The following RNF34 variants were observed in gnomAD, a reference collection of about 807,000 sequenced individuals.
RNF34 encodes E3 ubiquitin-protein ligase RNF34.
RNF34 carries 12 observed loss-of-function variants against 37.9 expected under a neutral mutation model. The ratio of observed to expected loss-of-function variants is 0.32; its 90% CI spans 0.20 to 0.51. The LOEUF is 0.51. RNF34 is among the 20% of genes least tolerant of loss of function. RNF34 has a pLI of 0.97. For missense variants in RNF34, 362 were observed against 472.7 expected, an observed-to-expected ratio of 0.77 and a Z score of 2.17; for synonymous variants, 155 against 177.2, an observed-to-expected ratio of 0.87 and a Z score of 1.00.
intron 1 of RNF34, 66 bp downstream of exon 1, chr12:121,400,284 G>A (rs1555279837): frequency 7.7e-6 from 12 of 1,566,570 alleles, no homozygotes; most frequent in African/African-American, 1.4e-5. Context: ...CACCTGAAGC[G>A]CCTCCTTTCT....
chr12:121,412,242 T>C (rs1387515468), intron 1 of RNF34, among the ~76,000 whole-genome samples: 3 of 128,508 alleles, frequency 2.3e-5, no homozygotes, highest in African/African-American at 6.3e-5. Flanking sequence ...TTTTTTTTTT[T>C]TTTTTTTTTT....
chr12:121,410,095 G>T (rs111780423), intron 1 of RNF34, among the ~76,000 whole-genome samples: 1 of 151,836 alleles, frequency 6.6e-6, no homozygotes, highest in African/African-American at 2.4e-5. Flanking sequence ...TAGAGGTTGC[G>T]GTGAGCCAAG....
chr12:121,419,468 A>AT (rs1212986228), intron 3 of RNF34, among the ~76,000 whole-genome samples: 4 of 152,316 alleles, frequency 2.6e-5, no homozygotes, highest in African/African-American at 9.6e-5. Flanking sequence ...GAATTGGCAT[A>AT]TTTATGCTGC....
In RNF34 at chr12:121,400,160, G is replaced by T; in HGVS notation, c.-53G>T. The T allele has an allele frequency of 6.3e-7, 1 of 1,599,102 alleles. No homozygotes were observed. Among genetic ancestry groups the T allele is most frequent in the Non-Finnish European group, 8.5e-7 (1 of 1,175,618 alleles). ...AAGGAGGTCGGCAGTGTGAGGAGCT[G>T]CTATGGTGCTGAGTTTCCTGGTAGA... On this transcript the variant is annotated 5_prime_UTR_variant, in exon 1 of 6. Coordinates refer to ENST00000361234, the MANE Select transcript of RNF34 (RefSeq NM_025126.4).
At chr12:121,403,483 A>G (rs1366374762) in intron 1 of RNF34, among the ~76,000 whole-genome samples, 2 of 151,966 alleles carry the variant, frequency 1.3e-5, no homozygotes, top group Non-Finnish European at 2.9e-5. Flanking sequence ...TTAGTTATGT[A>G]GGAAAGTTTA....
Position 121,400,126 on chromosome 12 carries a change from C to A in RNF34, c.-87C>A. Reference sequence around the variant, plus strand: ...GCCTCCCGGGGCGCGGTAATCACCGCCCAGAGGGAAGGAGGTCGGCAGTGT... The same window carrying A: ...GCCTCCCGGGGCGCGGTAATCACCGACCAGAGGGAAGGAGGTCGGCAGTGT... On this transcript the variant is annotated 5_prime_UTR_variant, in exon 1 of 6. Coordinates refer to ENST00000361234, the MANE Select transcript of RNF34 (RefSeq NM_025126.4). 1 of 1,502,694 alleles carries A rather than the reference C, an allele frequency of 6.7e-7. No homozygotes were observed. Among genetic ancestry groups the A allele is most frequent in the South Asian group, 1.2e-5 (1 of 83,414 alleles). 93.1% of individuals were successfully genotyped at this position (1,502,694 alleles called of 1,614,324 possible). A position where few individuals can be genotyped will look rare whatever the true frequency, so the allele number is the denominator to read the frequency against.
At chr12:121,420,444 T>C (rs895812360) in intron 4 of RNF34, 110 bp downstream of exon 4, 1 of 1,553,072 alleles carries the variant, frequency 6.4e-7, no homozygotes, top group Non-Finnish European at 8.7e-7. Context: ...CTGGTTTGAA[T>C]GTAGGACAGT....
chr12:121,412,096 C>T (rs985786648), intron 1 of RNF34, among the ~76,000 whole-genome samples: 3 of 151,996 alleles, frequency 2.0e-5, no homozygotes, highest in Admixed American at 2.0e-4. Context: ...GAGTCTCGCT[C>T]TGTCACCCAG....
In RNF34 at chr12:121,417,771, A is replaced by G. The variant is rs1440746844; in HGVS notation, c.493A>G (p.Asn165Asp). ...SEDDMDTSSL[N>D]SSRSQTSSFF... ...GGACGACATGGACACAAGCAGTCTG[A>G]ATTCTTCAAGGTCCCAGACTTCTAG... is the stretch of plus-strand genomic sequence containing the variant. The change falls in exon 3 of 6, where the codon AAT (asparagine) becomes GAT (aspartate). Residue 165 changes from asparagine to aspartate, a missense_variant. By Grantham distance (23) the Asn-to-Asp change is conservative (BLOSUM62 1). Transcript: ENST00000361234. The surrounding 1 kb of genome is among the most constrained non-coding windows in gnomAD (Gnocchi z 5.0). The G allele has an allele frequency of 6.2e-7, 1 of 1,614,072 alleles. No individual in the cohort carries two copies. The highest frequency in any genetic ancestry group is 1.7e-5 in the Admixed American group (1 of 60,000).
chr12:121,421,386 A>AC lies in RNF34; in HGVS notation c.928+608_928+609insC, dbSNP rs1555283368. ...ATCCCATCTCTAAAAAAAAAAAAAA[A>AC]AAAAAAAAAAAACCAAAAAAACCTG... On this transcript the variant is annotated intron_variant, in intron 5 of 5. Coordinates refer to ENST00000361234, the MANE Select transcript of RNF34 (RefSeq NM_025126.4). Among the ~76,000 whole-genome samples, 1,023 of 136,562 alleles carry AC rather than the reference A, an allele frequency of 7.5e-3. 15 individuals are homozygous for AC. The highest frequency in any genetic ancestry group is 0.017 in the South Asian group (55 of 3,188). The allele number at this position is 136,562 out of a possible 152,430, so 89.6% of individuals were successfully genotyped here. A position where few individuals can be genotyped will look rare whatever the true frequency, so the allele number is the denominator to read the frequency against.
chr12:121,422,322 G>C (rs1555283528), intron 5 of RNF34, among the ~76,000 whole-genome samples: 1 of 152,156 alleles, frequency 6.6e-6, no homozygotes, highest in Non-Finnish European at 1.5e-5. Flanking sequence ...TCACTACCAA[G>C]ATTGTTCCCA....
chr12:121,413,218 C>T (rs960086978), intron 1 of RNF34, among the ~76,000 whole-genome samples: 6 of 150,868 alleles, frequency 4.0e-5, no homozygotes, highest in African/African-American at 1.5e-4. Context: ...GTAGAGACGG[C>T]GTTTCGCCAT....
Position 121,400,313 on chromosome 12 carries a change from C to T in RNF34, c.6+95C>T, listed in dbSNP as rs545229348. Reference sequence around the variant, plus strand: ...CCTTTCTTTCCGCCTTAGCGGTTACCTAGTCGTCATCTCGGAGAGCTGCGC... The same window carrying T: ...CCTTTCTTTCCGCCTTAGCGGTTACTTAGTCGTCATCTCGGAGAGCTGCGC... On this transcript the variant is annotated intron_variant, in intron 1 of 5. Coordinates refer to ENST00000361234, the MANE Select transcript of RNF34 (RefSeq NM_025126.4). The T allele has an allele frequency of 1.8e-5, 26 of 1,433,176 alleles. No homozygotes were observed. The African/African-American group carries it at 2.1e-4, about 12-fold the overall frequency. 88.8% of individuals were successfully genotyped at this position (1,433,176 alleles called of 1,614,324 possible).
Position 121,417,985 on chromosome 12 carries a change from G to A in RNF34, c.633+74G>A. The A allele has an allele frequency of 1.4e-6, 2 of 1,437,398 alleles. No homozygotes were observed. Among genetic ancestry groups the A allele is most frequent in the Admixed American group, 4.2e-5 (2 of 47,272 alleles). The allele number at this position is 1,437,398 out of a possible 1,614,324, so 89.0% of individuals were successfully genotyped here. Reference sequence around the variant, plus strand: ...GGCCGTATATGGTGGGGCCTTTAGTGCTTGATGACTTCTGATAAACTTCAA... The same window carrying A: ...GGCCGTATATGGTGGGGCCTTTAGTACTTGATGACTTCTGATAAACTTCAA... On this transcript the variant is annotated intron_variant, in intron 3 of 5. Transcript: ENST00000361234. This position sits in a 1 kb window ranked among gnomAD's most constrained non-coding sequence, Gnocchi z 5.0.
intron 1 of RNF34, among the ~76,000 whole-genome samples, chr12:121,408,905 A>G (rs1870786675): frequency 6.6e-6 from 1 of 152,200 alleles, no homozygotes; most frequent in Admixed American, 6.5e-5. Context: ...AGCAAAAGTT[A>G]CAGGCCAATC....
chr12:121,416,454 G>A, intron 2 of RNF34, 77 bp downstream of exon 2: 3 of 976,528 alleles, frequency 3.1e-6, no homozygotes, highest in Non-Finnish European at 4.8e-6. Flanking sequence ...AATAGCTATT[G>A]AATTTTCATT....
intron 3 of RNF34, chr12:121,419,979 C>G: frequency 2.9e-6 from 1 of 346,480 alleles, no homozygotes; most frequent in African/African-American, 2.1e-5. Flanking sequence ...ATGGGACCTT[C>G]CTGAGAGAGT....
Position 121,400,203 on chromosome 12 carries a change from G to A in RNF34, c.-10G>A, listed in dbSNP as rs199515654. 1.2e-5 allele frequency: 20 copies of A among 1,609,244 alleles called. No homozygotes were observed. The East Asian group carries it at 4.3e-4, about 34-fold the overall frequency. ...CTGGTAGAGCCGGCCGAGCTGAGGC[G>A]GTCGCGGCCATGAAGGTGAGGGGCC... On this transcript the variant is annotated 5_prime_UTR_variant, in exon 1 of 6. Transcript: ENST00000361234.
At position 121,423,420 on chromosome 12, in the gene RNF34, C is replaced by CGACA; in HGVS notation, c.965_968dup (p.Ser323ArgfsTer34). 6.2e-7 allele frequency: 1 copy of CGACA among 1,611,646 alleles called. No homozygotes were observed. The highest frequency in any genetic ancestry group is 8.5e-7 in the Non-Finnish European group (1 of 1,178,936). ...GGCTGCAGCTGCAGGATGAGGAAGA[C>CGACA]GACAGCCTGTGTCGCATCTGCATGG... On this transcript the variant is annotated frameshift_variant, in exon 6 of 6. Coordinates refer to ENST00000361234, the MANE Select transcript of RNF34 (RefSeq NM_025126.4). LOFTEE classifies it high-confidence loss of function. This position sits in a 1 kb window ranked among gnomAD's most constrained non-coding sequence, Gnocchi z 4.3.
Sources: allele counts gnomAD v4.1 joint callset (sites outside exome capture counted in the v4.1 genomes callset), GRCh38; gene constraint gnomAD v4.1.1; non-coding constraint Gnocchi (gnomAD v3.1); transcripts MANE v1.5; gene names NCBI Gene and HGNC (gene_info 2026-07-23, HGNC 2026-07-21).